Variants in SH3RF2 observed in about 807,000 individuals in gnomAD.
The protein encoded by SH3RF2 is SH3 domain containing ring finger 2, also known as E3 ubiquitin-protein ligase SH3RF2.
In SH3RF2, 43 loss-of-function variants were observed where a neutral mutation model predicts 59.0. That is an observed-to-expected ratio of 0.73 (90% CI 0.57 to 0.94). The LOEUF (loss-of-function observed/expected upper bound fraction) is 0.94, where lower values mean the gene tolerates loss of function less well. Ranked by LOEUF, SH3RF2 falls within the 40% of genes least tolerant of loss-of-function variation. SH3RF2 has a pLI of 0.00. For missense variants in SH3RF2, 930 were observed against 940.1 expected (o/e 0.99, Z 0.14); for synonymous variants, 391 against 391.5 (o/e 1.00, Z 0.01).
chr5:146,011,777 T>G (rs1417452187), intron 4 of SH3RF2, among the ~76,000 whole-genome samples: 1 of 152,250 alleles, frequency 6.6e-6, no homozygotes, highest in Non-Finnish European at 1.5e-5. Context: ...AAGGAGATTT[T>G]GGGCTAAGAC....
chr5:145,980,648 T>C (rs1312060754), intron 2 of SH3RF2, among the ~76,000 whole-genome samples: 1 of 152,176 alleles, frequency 6.6e-6, no homozygotes, highest in African/African-American at 2.4e-5. Flanking sequence ...AAACACGTAA[T>C]GTAAATCTTG....
At chr5:146,045,765 T>C (rs1465901498) in intron 5 of SH3RF2, among the ~76,000 whole-genome samples, 1 of 152,254 alleles carries the variant, frequency 6.6e-6, no homozygotes, top group African/African-American at 2.4e-5. Context: ...CTTTGGGTTA[T>C]TATGAATAAT....
At chr5:146,006,166 G>A (rs1760636727) in intron 4 of SH3RF2, among the ~76,000 whole-genome samples, 1 of 152,154 alleles carries the variant, frequency 6.6e-6, no homozygotes, top group Non-Finnish European at 1.5e-5. Context: ...GCTCATGGCT[G>A]TAATCCCAAC....
intron 2 of SH3RF2, among the ~76,000 whole-genome samples, chr5:145,981,266 T>C (rs896040481): frequency 2.6e-4 from 39 of 151,988 alleles, no homozygotes; most frequent in African/African-American, 9.2e-4. Flanking sequence ...AGCTAATTTT[T>C]TTGGCTATTT....
At chr5:146,004,626 CT>C (rs1354686337) in intron 4 of SH3RF2, among the ~76,000 whole-genome samples, 1 of 151,694 alleles carries the variant, frequency 6.6e-6, no homozygotes, top group Non-Finnish European at 1.5e-5. Context: ...AAAAAAGTGT[CT>C]CTCTATGGAT....
chr5:145,950,529 G>C (rs1758153925), intron 2 of SH3RF2, among the ~76,000 whole-genome samples: 1 of 152,136 alleles, frequency 6.6e-6, no homozygotes. Flanking sequence ...TAGGTAAATA[G>C]AGAGGGAAAC....
At chr5:145,954,171 C>T (rs753086616) in intron 2 of SH3RF2, among the ~76,000 whole-genome samples, 11 of 152,332 alleles carry the variant, frequency 7.2e-5, no homozygotes, top group Non-Finnish European at 1.6e-4. Context: ...TACACTCCCA[C>T]CAACAGTGTA....
intron 2 of SH3RF2, chr5:145,997,575 G>A (rs1324011067): frequency 1.2e-6 from 2 of 1,607,882 alleles, no homozygotes; most frequent in African/African-American, 2.7e-5. Flanking sequence ...AGGATTGGTG[G>A]GCTTGGTTTC....
In SH3RF2 at chr5:146,059,945, C is replaced by A. The variant is rs751414169; in HGVS notation, c.1635C>A (p.Val545=). Residue 545 remains valine, a synonymous_variant, in exon 9 of 10, where the codon GTC becomes GTA. Coordinates refer to ENST00000359120, the MANE Select transcript of SH3RF2 (RefSeq NM_152550.4). ...CCCTCAGACGCAGCCCCACCATGGT[C>A]CTTCGGCCTCAGCAGTTCCAATTCT... is the stretch of plus-strand genomic sequence containing the variant. The part of the protein sequence containing the change: ...VGSLRRSPTM[V]LRPQQFQFYQ... The A allele has an allele frequency of 3.9e-6, 6 of 1,537,390 alleles. No individual in the cohort carries two copies. In the Admixed American group the frequency reaches 1.2e-4, roughly 31 times the overall value.
Position 145,951,228 on chromosome 5 carries a change from C to T in SH3RF2, c.378+12922C>T, listed in dbSNP as rs150503768. Among the ~76,000 whole-genome samples the T allele has an allele frequency of 2.6e-3, 399 of 152,280 alleles. 1 individual carries two copies. Among genetic ancestry groups the T allele is most frequent in the African/African-American group, 9.1e-3 (380 of 41,556 alleles). On this transcript the variant is annotated intron_variant, in intron 2 of 9. Coordinates refer to ENST00000359120, the MANE Select transcript of SH3RF2 (RefSeq NM_152550.4). ...AACACTTGTTTACAGATAAGAGGCT[C>T]GGGAGTACTTTGGGCAAGCTACCCA...
intron 2 of SH3RF2, among the ~76,000 whole-genome samples, chr5:145,991,746 T>C (rs1237411586): frequency 6.6e-6 from 1 of 152,208 alleles, no homozygotes; most frequent in Non-Finnish European, 1.5e-5. Context: ...TTTGTGCAAT[T>C]TTAGTTTAAT....
At chr5:146,072,935 A>G (rs1021091495) in intron 9 of SH3RF2, among the ~76,000 whole-genome samples, 6 of 152,242 alleles carry the variant, frequency 3.9e-5, no homozygotes, top group African/African-American at 1.4e-4. Context: ...GTGGGGATTA[A>G]GTGAGACAAT....
chr5:146,038,080 T>C (rs1762003534), intron 5 of SH3RF2, among the ~76,000 whole-genome samples: 1 of 152,154 alleles, frequency 6.6e-6, no homozygotes, highest in Non-Finnish European at 1.5e-5. Flanking sequence ...GAGAAAAAAA[T>C]GTGATATTTT....
At chr5:145,960,369 A>G (rs1758586507) in intron 2 of SH3RF2, among the ~76,000 whole-genome samples, 1 of 152,244 alleles carries the variant, frequency 6.6e-6, no homozygotes, top group African/African-American at 2.4e-5. Flanking sequence ...GATAGCTCAG[A>G]CTTACATACT....
chr5:146,060,626 T>C (rs1030014768), intron 9 of SH3RF2, among the ~76,000 whole-genome samples: 2 of 152,000 alleles, frequency 1.3e-5, no homozygotes, highest in African/African-American at 4.8e-5. Context: ...AAAATGGAGG[T>C]AGAAAGAGTA....
At chr5:145,995,498 C>T (rs1438724644) in intron 2 of SH3RF2, among the ~76,000 whole-genome samples, 1 of 152,122 alleles carries the variant, frequency 6.6e-6, no homozygotes, top group African/African-American at 2.4e-5. Flanking sequence ...GGAACACCTT[C>T]CCCAAAAAAG....
intron 5 of SH3RF2, chr5:146,043,688 A>G (rs1038214814): frequency 6.6e-6 from 1 of 152,156 alleles, no homozygotes; most frequent in African/African-American, 2.4e-5. Context: ...CACTATAGTT[A>G]TGGCTTATTT....
At chr5:145,982,850 A>T (rs1327638688) in intron 2 of SH3RF2, among the ~76,000 whole-genome samples, 2 of 152,202 alleles carry the variant, frequency 1.3e-5, no homozygotes, top group East Asian at 1.9e-4. Flanking sequence ...GACCTAAAAG[A>T]TAAGTAGCGA....
chr5:145,945,754 C>T lies in SH3RF2; in HGVS notation c.378+7448C>T, dbSNP rs191600714. Among the ~76,000 whole-genome samples, 6 of 152,242 alleles carry T rather than the reference C, an allele frequency of 3.9e-5. No individual in the cohort carries two copies. In the East Asian group the frequency reaches 5.8e-4, roughly 15 times the overall value. ...GGGTGACTAGATACCACCAGGAAGACGCATGTCAAGCATTCTCTGTAATAA... is the reference window on the plus strand; with the variant it reads ...GGGTGACTAGATACCACCAGGAAGATGCATGTCAAGCATTCTCTGTAATAA... On this transcript the variant is annotated intron_variant, in intron 2 of 9. Coordinates refer to ENST00000359120, the MANE Select transcript of SH3RF2 (RefSeq NM_152550.4).
Sources: gnomAD v4.1 joint callset for allele counts (sites outside exome capture counted in the v4.1 genomes callset) on GRCh38, gnomAD v4.1.1 for gene constraint, MANE v1.5 for transcripts, NCBI Gene and HGNC (gene_info 2026-07-23, HGNC 2026-07-21) for gene names.